The following ASB3 variants were observed in gnomAD, a reference collection of about 807,000 sequenced individuals.
ASB3 encodes the protein ankyrin repeat and SOCS box protein 3.
In ASB3, 41 loss-of-function variants were observed where a neutral mutation model predicts 54.5. The ratio of observed to expected loss-of-function variants is 0.75; its 90% CI spans 0.59 to 0.98. The LOEUF (loss-of-function observed/expected upper bound fraction) is 0.98, where lower values mean the gene tolerates loss of function less well. Ranked by LOEUF, ASB3 falls within the 50% of genes least tolerant of loss-of-function variation. The pLI is 0.00. For synonymous variants in ASB3, 266 were observed against 221.2 expected (o/e 1.20, Z -1.80); for missense variants, 733 against 620.0 (o/e 1.18, Z -1.94).
intron 5 of ASB3, among the ~76,000 whole-genome samples, chr2:53,719,072 T>A (rs1670555558): frequency 6.6e-6 from 1 of 152,040 alleles, no homozygotes; most frequent in African/African-American, 2.4e-5. Context: ...AGGCATGCAC[T>A]ACCACGCCCA....
chr2:53,717,430 C>T (rs905278305), intron 5 of ASB3, among the ~76,000 whole-genome samples: 1 of 151,594 alleles, frequency 6.6e-6, no homozygotes, highest in African/African-American at 2.4e-5. Context: ...ATAATGCCTA[C>T]AATCAGAGAA....
chr2:53,728,675 T>C (rs774061015), intron 5 of ASB3, 37 bp downstream of exon 5: 1 of 1,448,164 alleles, frequency 6.9e-7, no homozygotes, highest in Non-Finnish European at 9.2e-7. Flanking sequence ...TTAAAGCTCA[T>C]GATCTTAACA....
chr2:53,754,131 C>T (rs750755948), intron 2 of ASB3, among the ~76,000 whole-genome samples: 2 of 152,138 alleles, frequency 1.3e-5, no homozygotes, highest in African/African-American at 2.4e-5. Context: ...TCTGAAAGGG[C>T]ATCCTATGAC....
chr2:53,701,463 G>C (rs531371580), intron 7 of ASB3, among the ~76,000 whole-genome samples: 1 of 152,162 alleles, frequency 6.6e-6, no homozygotes, highest in Admixed American at 6.5e-5. Flanking sequence ...ATATGACATA[G>C]CAAATTTCTG....
intron 2 of ASB3, among the ~76,000 whole-genome samples, chr2:53,764,835 T>G (rs1673346160): frequency 2.6e-5 from 4 of 152,262 alleles, no homozygotes; most frequent in African/African-American, 7.2e-5. Context: ...TGTTTTATTT[T>G]CTTCATAACA....
chr2:53,712,352 G>C (rs1214120739), intron 7 of ASB3, among the ~76,000 whole-genome samples: 1 of 152,086 alleles, frequency 6.6e-6, no homozygotes, highest in Non-Finnish European at 1.5e-5. Flanking sequence ...AGCTTCCTCA[G>C]TAAGTTTAAC....
chr2:53,750,658 A>G, intron 3 of ASB3, 125 bp downstream of exon 3: 1 of 1,030,528 alleles, frequency 9.7e-7, no homozygotes, highest in Non-Finnish European at 1.3e-6. Flanking sequence ...TCAAGGAAGT[A>G]GTGGTATGAT....
chr2:53,735,267 G>C (rs561492370), intron 3 of ASB3, among the ~76,000 whole-genome samples: 30 of 152,074 alleles, frequency 2.0e-4, no homozygotes, highest in Admixed American at 5.9e-4. Context: ...AAACGTTACT[G>C]AGCAAATTCA....
intron 1 of ASB3, among the ~76,000 whole-genome samples, chr2:53,785,063 A>T (rs1194474000): frequency 6.6e-6 from 1 of 152,134 alleles, no homozygotes; most frequent in Non-Finnish European, 1.5e-5. Flanking sequence ...CCAACACATC[A>T]AGCTCATTCC....
intron 3 of ASB3, among the ~76,000 whole-genome samples, chr2:53,740,717 C>A (rs551847702): frequency 6.6e-6 from 1 of 152,220 alleles, no homozygotes; most frequent in African/African-American, 2.4e-5. Context: ...TGGCGAATAT[C>A]CCAATCCAAT....
At chr2:53,701,916 A>G (rs1669515715) in intron 7 of ASB3, among the ~76,000 whole-genome samples, 1 of 152,182 alleles carries the variant, frequency 6.6e-6, no homozygotes, top group Non-Finnish European at 1.5e-5. Flanking sequence ...ATCTTTGTAG[A>G]TCCATTCCTC....
intron 3 of ASB3, among the ~76,000 whole-genome samples, chr2:53,747,248 T>C (rs927058577): frequency 2.0e-5 from 3 of 152,066 alleles, no homozygotes; most frequent in Non-Finnish European, 2.9e-5. Flanking sequence ...AAATGTTCCA[T>C]AAAGAAAAAG....
chr2:53,756,510 G>GTA (rs1672835120), intron 2 of ASB3, among the ~76,000 whole-genome samples: 1 of 152,126 alleles, frequency 6.6e-6, no homozygotes, highest in Admixed American at 6.5e-5. Context: ...ACATTTCTGG[G>GTA]TATATCCATG....
intron 3 of ASB3, among the ~76,000 whole-genome samples, chr2:53,732,019 G>A (rs975219234): frequency 7.9e-5 from 12 of 151,770 alleles, no homozygotes; most frequent in African/African-American, 9.7e-5. Flanking sequence ...GTGCAGTGGC[G>A]CAAACTCGGC....
At chr2:53,719,521 G>A (rs893368429) in intron 5 of ASB3, among the ~76,000 whole-genome samples, 1 of 151,762 alleles carries the variant, frequency 6.6e-6, no homozygotes, top group Non-Finnish European at 1.5e-5. Flanking sequence ...GCCCTGCTCT[G>A]GCTGGGAAGA....
intron 9 of ASB3, among the ~76,000 whole-genome samples, chr2:53,681,671 G>A (rs935272884): frequency 1.3e-5 from 2 of 151,946 alleles, no homozygotes; most frequent in Admixed American, 6.6e-5. Flanking sequence ...TTCACTGTAG[G>A]TTTCTGTATT....
chr2:53,721,271 T>C (rs943385101), intron 5 of ASB3, among the ~76,000 whole-genome samples: 1 of 151,754 alleles, frequency 6.6e-6, no homozygotes, highest in African/African-American at 2.4e-5. Context: ...TAACTTGCTC[T>C]TGGCTGGGCA....
At chr2:53,698,800 C>G (rs2103756409) in intron 8 of ASB3, among the ~76,000 whole-genome samples, 1 of 152,340 alleles carries the variant, frequency 6.6e-6, no homozygotes, top group East Asian at 1.9e-4. Context: ...TCCTAGTCTT[C>G]TCATCTTATG....
chr2:53,771,944 T>C lies in ASB3; in HGVS notation c.-13-6359A>G. The stretch of plus-strand genomic sequence containing the variant: ...GTGACTCTTGTTGAAGATCCTGCGG[T>C]ATGGTATAAATATTCTTTTTTGTAT... On this transcript the variant is annotated intron_variant, in intron 1 of 9. Coordinates refer to ENST00000263634, the MANE Select transcript of ASB3 (RefSeq NM_016115.5). 6.6e-7 allele frequency: 1 copy of C among 1,524,766 alleles called. No homozygotes were observed. The highest frequency in any genetic ancestry group is 1.4e-5 in the African/African-American group (1 of 72,036). The allele number at this position is 1,524,766 out of a possible 1,614,324, so 94.5% of individuals were successfully genotyped here. A position where few individuals can be genotyped will look rare whatever the true frequency, so the allele number is the denominator to read the frequency against.
Sources: allele counts gnomAD v4.1 joint callset (sites outside exome capture counted in the v4.1 genomes callset), GRCh38; gene constraint gnomAD v4.1.1; transcripts MANE v1.5; gene names NCBI Gene and HGNC (gene_info 2026-07-23, HGNC 2026-07-21).